PPFIBP1: variants seen among roughly 807,000 people sequenced by gnomAD.
The protein encoded by PPFIBP1 is PPFIB scaffold protein 1.
In PPFIBP1, 112 loss-of-function variants were observed where a neutral mutation model predicts 137.8. The observed-to-expected ratio is 0.81, with a 90% CI of 0.70 to 0.95. The LOEUF is 0.95. Ranked by LOEUF, PPFIBP1 falls within the 40% of genes least tolerant of loss-of-function variation. The pLI is 0.00. For missense variants in PPFIBP1, 1,083 were observed against 1,196.6 expected (o/e 0.91, Z 1.40); for synonymous variants, 378 against 417.3 (o/e 0.91, Z 1.15).
At chr12:27,592,873 C>A in intron 2 of PPFIBP1, 1 of 516,756 alleles carries the variant, frequency 1.9e-6, no homozygotes, top group Non-Finnish European at 3.5e-6. Flanking sequence ...GGTGCGATGG[C>A]TCACACCTGT....
At chr12:27,595,841 C>T (rs993459799) in intron 2 of PPFIBP1, among the ~76,000 whole-genome samples, 1 of 139,054 alleles carries the variant, frequency 7.2e-6, no homozygotes, top group South Asian at 2.4e-4. Context: ...GCAACAACAG[C>T]GACACTCTGA....
At chr12:27,554,022 A>G (rs1245831563) in intron 1 of PPFIBP1, among the ~76,000 whole-genome samples, 1 of 152,274 alleles carries the variant, frequency 6.6e-6, no homozygotes, top group Non-Finnish European at 1.5e-5. Flanking sequence ...CCAGTGTTTC[A>G]TCTAAGTTTA....
At position 27,692,848 on chromosome 12, in the gene PPFIBP1, G is replaced by T. The variant is rs756995198; in HGVS notation, c.2984G>T (p.Ser995Ile). ...MFKDFAARSP[S>I]ASITDEDSNV Reference sequence around the variant, plus strand: ...AAAGATTTTGCTGCCCGTTCCCCCAGTGCCAGCATTACAGATGAAGACTCA... The same window carrying T: ...AAAGATTTTGCTGCCCGTTCCCCCATTGCCAGCATTACAGATGAAGACTCA... Residue 995 changes from serine (S) to isoleucine (I), a missense_variant, in exon 30 of 30, where the codon AGT (serine) becomes ATT (isoleucine). Transcript: ENST00000228425. 1.2e-6 allele frequency: 2 copies of T among 1,614,114 alleles called. No homozygotes were observed. The highest frequency in any genetic ancestry group is 2.2e-5 in the East Asian group (1 of 44,890).
intron 24 of PPFIBP1, among the ~76,000 whole-genome samples, chr12:27,684,668 G>C (rs141932756): frequency 1.3e-5 from 2 of 152,138 alleles, no homozygotes; most frequent in South Asian, 4.2e-4. Flanking sequence ...TTTGCTATGT[G>C]TCAAACATCC....
At chr12:27,615,143 C>T (rs901273689) in intron 2 of PPFIBP1, among the ~76,000 whole-genome samples, 1 of 152,138 alleles carries the variant, frequency 6.6e-6, no homozygotes, top group Admixed American at 6.5e-5. Context: ...CTTTAGACCC[C>T]GAAAGCCTCA....
rs144827578 is a variant in PPFIBP1 at position 27,552,940 on chromosome 12, G to A, written c.-123-25212G>A. Among the ~76,000 whole-genome samples, 455 of 152,214 alleles carry A rather than the reference G, an allele frequency of 3.0e-3. 3 individuals are homozygous for A. The highest frequency in any genetic ancestry group is 6.8e-3 in the Middle Eastern group (2 of 294). Reference sequence around the variant, plus strand: ...GATAGGCCAGGGTGATCGGACACCTGGGGGATGGTGGAGGATGAGGAGACT... The same window carrying A: ...GATAGGCCAGGGTGATCGGACACCTAGGGGATGGTGGAGGATGAGGAGACT... On this transcript the variant is annotated intron_variant, in intron 1 of 29. Transcript: ENST00000228425.
chr12:27,688,083 T>C, intron 25 of PPFIBP1: 1 of 526,924 alleles, frequency 1.9e-6, no homozygotes, highest in Non-Finnish European at 3.2e-6. Flanking sequence ...TTAGACCCTG[T>C]CTTAAAAAAA....
At chr12:27,658,694 G>GTT (rs2059363758) in intron 9 of PPFIBP1, 122 bp from the exon 10 acceptor site, 1 of 1,071,064 alleles carries the variant, frequency 9.3e-7, no homozygotes, top group Non-Finnish European at 1.4e-6. Context: ...TGCTGAAAAA[G>GTT]TTTTTATGAG....
rs751644200 is a variant in PPFIBP1 at position 27,656,597 on chromosome 12, A to G, written c.697-19A>G. On this transcript the variant is annotated intron_variant, in intron 8 of 29. Transcript: ENST00000228425. ...TTCAGTCATGATCTGCTATTTTTAA[A>G]TGAATTTGTAACTTGTAGGATGAAC... The G allele has an allele frequency of 9.6e-6, 14 of 1,461,714 alleles. No homozygotes were observed. Among genetic ancestry groups the G allele is most frequent in the Non-Finnish European group, 1.3e-5 (14 of 1,042,386 alleles). The allele number at this position is 1,461,714 out of a possible 1,614,324, so 90.5% of individuals were successfully genotyped here. A position where few individuals can be genotyped will look rare whatever the true frequency, so the allele number is the denominator to read the frequency against.
intron 2 of PPFIBP1, among the ~76,000 whole-genome samples, chr12:27,626,433 A>G (rs2056823126): frequency 1.3e-5 from 2 of 152,158 alleles, no homozygotes; most frequent in Non-Finnish European, 1.5e-5. Context: ...AGGAGGAAAG[A>G]CAGGCCTCAG....
At chr12:27,550,992 T>TA (rs1491167502) in intron 1 of PPFIBP1, among the ~76,000 whole-genome samples, 27,676 of 88,130 alleles carry the variant, frequency 0.31, 3,042 homozygotes, top group East Asian at 0.43. Context: ...TATATATATA[T>TA]TTTTTTTTTT....
chr12:27,559,313 C>A (rs1024521569), intron 1 of PPFIBP1, among the ~76,000 whole-genome samples: 1 of 152,028 alleles, frequency 6.6e-6, no homozygotes, highest in African/African-American at 2.4e-5. Flanking sequence ...GGACTACAGG[C>A]GCCCACCACC....
chr12:27,599,401 C>G (rs570770827), intron 2 of PPFIBP1: 21 of 454,382 alleles, frequency 4.6e-5, no homozygotes, highest in African/African-American at 4.0e-4. Context: ...CAGACTCAGA[C>G]TGGAGCTATA....
intron 2 of PPFIBP1, chr12:27,593,489 C>T: frequency 4.5e-6 from 2 of 441,322 alleles, no homozygotes; most frequent in Non-Finnish European, 9.0e-6. Flanking sequence ...TTGGGCAGGT[C>T]TTGACAAGCA....
intron 2 of PPFIBP1, among the ~76,000 whole-genome samples, chr12:27,597,097 A>G (rs191586727): frequency 2.0e-5 from 3 of 152,366 alleles, no homozygotes; most frequent in Non-Finnish European, 2.9e-5. Context: ...AGGGGTACAT[A>G]TGGTATACAG....
chr12:27,589,633 A>G (rs918507279), intron 2 of PPFIBP1, among the ~76,000 whole-genome samples: 17 of 152,364 alleles, frequency 1.1e-4, no homozygotes, highest in African/African-American at 3.4e-4. Flanking sequence ...AAGCAGGTTT[A>G]TGAAACACTG....
chr12:27,692,041 C>T, intron 28 of PPFIBP1, 113 bp downstream of exon 28: 1 of 924,454 alleles, frequency 1.1e-6, no homozygotes, highest in South Asian at 2.0e-5. Context: ...ACTAAAAATA[C>T]AGATAATAAT....
chr12:27,638,864 T>C (rs2139206674), intron 4 of PPFIBP1, among the ~76,000 whole-genome samples: 1 of 151,644 alleles, frequency 6.6e-6, no homozygotes, highest in South Asian at 2.1e-4. Context: ...ATAACAGACA[T>C]ATAATTAAGG....
intron 9 of PPFIBP1, 140 bp downstream of exon 9, chr12:27,656,870 G>A: frequency 1.7e-6 from 1 of 600,536 alleles, no homozygotes; most frequent in Admixed American, 3.0e-5. Flanking sequence ...GAACCACAGG[G>A]GATTCTCCAA....
Sources: allele counts gnomAD v4.1 joint callset (sites outside exome capture counted in the v4.1 genomes callset), GRCh38; gene constraint gnomAD v4.1.1; transcripts MANE v1.5; gene names NCBI Gene and HGNC (gene_info 2026-07-23, HGNC 2026-07-21).